Variants in DMD observed in about 807,000 individuals in gnomAD.
The protein encoded by DMD is dystrophin.
In DMD, 63 loss-of-function variants were observed where a neutral mutation model predicts 330.1. That is an observed-to-expected ratio of 0.19 (90% CI 0.16 to 0.24). The LOEUF is 0.24. Ranked by LOEUF, DMD falls within the 10% of genes least tolerant of loss-of-function variation. The pLI is 1.00. For synonymous variants in DMD, 1,223 were observed against 959.8 expected (o/e 1.27, Z -5.07); for missense variants, 3,344 against 2,684.1 (o/e 1.25, Z -5.43).
chrX:32,872,815 C>A (rs1246728689), intron 2 of DMD, among the ~76,000 whole-genome samples: 1 of 111,410 alleles, frequency 9.0e-6, no homozygotes, highest in Non-Finnish European at 1.9e-5. Context: ...CTTTTACAGG[C>A]TTTGGGTAGG....
intron 41 of DMD, among the ~76,000 whole-genome samples, chrX:32,317,538 C>T (rs866090408): frequency 9.0e-5 from 10 of 111,214 alleles, no homozygotes; most frequent in South Asian, 3.8e-4. Context: ...AGGATAAAAG[C>T]AATCCTGTTT....
intron 34 of DMD, among the ~76,000 whole-genome samples, chrX:32,368,909 T>A (rs1457488938): frequency 9.0e-6 from 1 of 111,237 alleles, no homozygotes; most frequent in Non-Finnish European, 1.9e-5. Flanking sequence ...CATGTAGTAA[T>A]GTGATTGCTG....
rs1300286132 is a variant in DMD at position 31,218,388 on chromosome X, G to A, written c.9361+4659C>T. On this transcript the variant is annotated intron_variant, in intron 64 of 78. Coordinates refer to ENST00000357033, the MANE Select transcript of DMD (RefSeq NM_004006.3). ...TGGGGCAGGGGCAGGGGCAGGGGCAGGTGAAGAAAAAGAGGCAAGAAAACT... is the reference window on the plus strand; with the variant it reads ...TGGGGCAGGGGCAGGGGCAGGGGCAAGTGAAGAAAAAGAGGCAAGAAAACT... Among the ~76,000 whole-genome samples, 9 of 110,358 alleles carry A rather than the reference G, an allele frequency of 8.2e-5. No individual in the cohort carries two copies. The Admixed American group carries it at 8.7e-4, about 11-fold the overall frequency.
chrX:31,884,072 G>A (rs990811783), intron 47 of DMD, among the ~76,000 whole-genome samples: 1 of 111,461 alleles, frequency 9.0e-6, no homozygotes, highest in African/African-American at 3.3e-5. Flanking sequence ...TAATTATTGT[G>A]GAAAACAGTA....
chrX:31,798,033 G>C (rs2091906396), intron 50 of DMD, among the ~76,000 whole-genome samples: 1 of 111,830 alleles, frequency 8.9e-6, no homozygotes, highest in Admixed American at 9.5e-5. Flanking sequence ...TTCTTTTATA[G>C]GTGGAAATAG....
chrX:32,770,057 T>C (rs1342795137), intron 7 of DMD, among the ~76,000 whole-genome samples: 1 of 111,722 alleles, frequency 9.0e-6, no homozygotes, highest in Non-Finnish European at 1.9e-5. Flanking sequence ...GGAACATGTA[T>C]TCCCAAGGTT....
At chrX:32,060,047 A>G (rs2096211567) in intron 44 of DMD, among the ~76,000 whole-genome samples, 2 of 111,176 alleles carry the variant, frequency 1.8e-5, no homozygotes. Context: ...CTCTGTTTGA[A>G]GAAGTTGACC....
intron 63 of DMD, among the ~76,000 whole-genome samples, chrX:31,259,203 G>C (rs972877138): frequency 3.6e-5 from 4 of 111,881 alleles, no homozygotes; most frequent in Non-Finnish European, 7.5e-5. Flanking sequence ...AGAAATTACT[G>C]TAATTAGAGT....
intron 44 of DMD, among the ~76,000 whole-genome samples, chrX:32,119,495 T>C (rs993061191): frequency 9.0e-6 from 1 of 111,188 alleles, no homozygotes; most frequent in East Asian, 2.8e-4. Flanking sequence ...ATGCTAATCC[T>C]AGTCCTAAAA....
intron 62 of DMD, among the ~76,000 whole-genome samples, chrX:31,323,308 T>G (rs1242117616): frequency 1.8e-5 from 2 of 112,016 alleles, no homozygotes; most frequent in Non-Finnish European, 3.8e-5. Context: ...CCACTATCAA[T>G]AAAATTATCT....
chrX:33,276,792 T>C (rs2053241782), intron 1 of DMD, among the ~76,000 whole-genome samples: 1 of 111,947 alleles, frequency 8.9e-6, no homozygotes. Flanking sequence ...ATTTTTCTTT[T>C]TAATTTGATA....
chrX:31,276,720 C>T (rs1017129269), intron 62 of DMD, among the ~76,000 whole-genome samples: 1 of 112,033 alleles, frequency 8.9e-6, no homozygotes. Flanking sequence ...AGGATATTGA[C>T]ACAATGGGAT....
intron 41 of DMD, among the ~76,000 whole-genome samples, chrX:32,328,344 G>A (rs965441770): frequency 3.6e-5 from 4 of 111,474 alleles, no homozygotes; most frequent in African/African-American, 1.3e-4. Flanking sequence ...ATACCATTTT[G>A]GTACCTTTAT....
chrX:31,774,765 T>C lies in DMD; in HGVS notation c.7310-573A>G, dbSNP rs770534914. Among the ~76,000 whole-genome samples, 16 of 111,978 alleles carry C rather than the reference T, an allele frequency of 1.4e-4. No homozygotes were observed. The East Asian group carries it at 4.2e-3, about 29-fold the overall frequency. On this transcript the variant is annotated intron_variant, in intron 50 of 78. Coordinates refer to ENST00000357033, the MANE Select transcript of DMD (RefSeq NM_004006.3). ...GCAGTTTATCATATTTTTTTCTTTT[T>C]ATTTCAGATTGTTAGTAAACTGGCC...
chrX:31,529,550 G>A (rs960226922), intron 55 of DMD, among the ~76,000 whole-genome samples: 19 of 111,273 alleles, frequency 1.7e-4, no homozygotes, highest in African/African-American at 4.9e-4. Flanking sequence ...CTTTCTTCCC[G>A]CTCATTCTCT....
intron 61 of DMD, among the ~76,000 whole-genome samples, chrX:31,334,371 A>C (rs1048403507): frequency 1.8e-5 from 2 of 112,233 alleles, no homozygotes; most frequent in African/African-American, 6.5e-5. Context: ...TCCTATCAAA[A>C]GGAATACCCT....
intron 1 of DMD, among the ~76,000 whole-genome samples, chrX:33,062,728 C>G (rs766235847): frequency 8.9e-6 from 1 of 112,637 alleles, no homozygotes; most frequent in East Asian, 2.8e-4. Context: ...CCACCCGCCT[C>G]GGCCTCCCAA....
intron 74 of DMD, among the ~76,000 whole-genome samples, chrX:31,159,641 T>A (rs2038575143): frequency 2.7e-5 from 3 of 110,932 alleles, no homozygotes; most frequent in South Asian, 7.7e-4. Context: ...GGCTTCCATC[T>A]CCGCCACAAC....
chrX:32,250,348 A>C (rs2097258622), intron 43 of DMD, among the ~76,000 whole-genome samples: 1 of 112,041 alleles, frequency 8.9e-6, no homozygotes, highest in African/African-American at 3.2e-5. Context: ...ACACATAATA[A>C]AAATGGTAAA....
Sources: gnomAD v4.1 joint callset for allele counts (sites outside exome capture counted in the v4.1 genomes callset) on GRCh38, gnomAD v4.1.1 for gene constraint, MANE v1.5 for transcripts, NCBI Gene and HGNC (gene_info 2026-07-23, HGNC 2026-07-21) for gene names.